Variants in SLC27A1 observed in about 807,000 individuals in gnomAD.
The protein encoded by SLC27A1 is long-chain fatty acid transport protein 1.
SLC27A1 carries 61 observed loss-of-function variants against 62.2 expected under a neutral mutation model. The observed-to-expected ratio is 0.98, with a 90% CI of 0.80 to 1.21. SLC27A1 has a LOEUF of 1.21. SLC27A1 is among the 50% of genes most tolerant of loss of function. The pLI, the probability that SLC27A1 is intolerant of heterozygous loss-of-function variation, is 0.00. For synonymous variants in SLC27A1, 435 were observed against 408.6 expected (o/e 1.06, Z -0.78); for missense variants, 903 against 932.1 (o/e 0.97, Z 0.41).
At position 17,477,844 on chromosome 19, in the gene SLC27A1, C is replaced by T. The variant is rs181309482; in HGVS notation, c.167+7137C>T. On this transcript the variant is annotated intron_variant, in intron 1 of 11. Coordinates refer to ENST00000252595, the MANE Select transcript of SLC27A1 (RefSeq NM_198580.3). ...TGCTGGGATTACAGGTGTGAGCCAC[C>T]GCACCTGCCGCCCACCTTTTTCTAA... Among the ~76,000 whole-genome samples the T allele has an allele frequency of 1.3e-3, 203 of 152,062 alleles. 2 individuals are homozygous for T. Among genetic ancestry groups the T allele is most frequent in the Admixed American group, 0.011 (161 of 15,240 alleles).
chr19:17,490,606 C>T (rs1038221127), intron 6 of SLC27A1, among the ~76,000 whole-genome samples: 6 of 152,142 alleles, frequency 3.9e-5, no homozygotes, highest in South Asian at 4.1e-4. Flanking sequence ...ATCCTCCCCT[C>T]GGTGATGGCA....
At chr19:17,471,058 T>C (rs1442425873) in intron 1 of SLC27A1, among the ~76,000 whole-genome samples, 2 of 147,904 alleles carry the variant, frequency 1.4e-5, no homozygotes, top group Non-Finnish European at 3.0e-5. Flanking sequence ...GAGCTGGGGC[T>C]GACTGGAAAT....
Position 17,500,871 on chromosome 19 carries a change from T to C in SLC27A1, c.1631T>C (p.Val544Ala), listed in dbSNP as rs1232173515. Residue 544 changes from valine (V) to alanine (A), a missense_variant, in exon 10 of 12, where the codon GTT becomes GCT. Transcript: ENST00000252595. ...GACGTGGCCGTCTATGGGGTGGCTGTTCCAGGCAAGCTGGGGTTGCAGGGG... is the reference window on the plus strand; with the variant it reads ...GACGTGGCCGTCTATGGGGTGGCTGCTCCAGGCAAGCTGGGGTTGCAGGGG... ...QTDVAVYGVA[V>A]PGVEGKAGMA... is the part of the protein sequence containing the mutation. 1 of 1,606,156 alleles carries C rather than the reference T, an allele frequency of 6.2e-7. No individual in the cohort carries two copies. The highest frequency in any genetic ancestry group is 1.1e-5 in the South Asian group (1 of 90,460).
chr19:17,488,561 C>G (rs992223832), intron 4 of SLC27A1, among the ~76,000 whole-genome samples: 2 of 152,178 alleles, frequency 1.3e-5, no homozygotes, highest in African/African-American at 4.8e-5. Context: ...CCCCACAGCT[C>G]TTTCTTGCTA....
chr19:17,487,237 G>C lies in SLC27A1; in HGVS notation c.626G>C (p.Gly209Ala), dbSNP rs202067578. The change falls in exon 3 of 12, where the codon GGG (glycine) becomes GCG (alanine). Residue 209 changes from glycine to alanine, a missense_variant. Gly to Ala is a moderately conservative substitution (Grantham distance 60). Transcript: ENST00000252595. ...SLIKFCSGDL[G>A]PEGILPDTHL... ...ATCAAGTTCTGCTCTGGAGACTTGG[G>C]GCCCGAGGGCATCTTGCCGGACACC... 1.2e-6 allele frequency: 2 copies of C among 1,614,050 alleles called. No homozygotes were observed. Among genetic ancestry groups the C allele is most frequent in the African/African-American group, 2.7e-5 (2 of 75,008 alleles).
At chr19:17,470,792 G>T (rs1044883443) in intron 1 of SLC27A1, 85 bp downstream of exon 1, 15 of 1,306,748 alleles carry the variant, frequency 1.1e-5, no homozygotes, top group Middle Eastern at 2.4e-4. Flanking sequence ...TTGCGGGGAC[G>T]GCTTGGAGGG....
intron 4 of SLC27A1, among the ~76,000 whole-genome samples, chr19:17,488,264 C>G (rs1183153768): frequency 6.6e-6 from 1 of 152,234 alleles, no homozygotes; most frequent in African/African-American, 2.4e-5. Context: ...GAGGCTGAGG[C>G]AGGAGAATCG....
Position 17,501,255 on chromosome 19 carries a change from C to T in SLC27A1, c.1637-18C>T. The T allele has an allele frequency of 1.2e-6, 2 of 1,611,308 alleles. No homozygotes were observed. Among genetic ancestry groups the T allele is most frequent in the East Asian group, 2.2e-5 (1 of 44,860 alleles). On this transcript the variant is annotated intron_variant, in intron 10 of 11. Coordinates refer to ENST00000252595, the MANE Select transcript of SLC27A1 (RefSeq NM_198580.3). ...AGGATGAGAGGCGGGGTGTCCTCAG[C>T]TGAGCCTCTGCCTCCAGGAGTGGAG... is the stretch of plus-strand genomic sequence containing the variant.
chr19:17,471,504 T>C (rs980414535), intron 1 of SLC27A1, among the ~76,000 whole-genome samples: 4 of 151,838 alleles, frequency 2.6e-5, no homozygotes, highest in African/African-American at 9.7e-5. Context: ...AGGGACTTGC[T>C]CAAACGAGCC....
At chr19:17,476,279 T>C (rs2075121189) in intron 1 of SLC27A1, among the ~76,000 whole-genome samples, 1 of 152,146 alleles carries the variant, frequency 6.6e-6, no homozygotes, top group Non-Finnish European at 1.5e-5. Flanking sequence ...CTCATGCCTG[T>C]AATCCCAGCA....
chr19:17,500,232 C>A (rs776602120), intron 7 of SLC27A1, 46 bp from the exon 8 acceptor site: 76 of 1,596,822 alleles, frequency 4.8e-5, no homozygotes, highest in Non-Finnish European at 6.3e-5. Flanking sequence ...CTGAGAAGGA[C>A]CCCGCATATC....
intron 6 of SLC27A1, 113 bp downstream of exon 6, chr19:17,489,230 C>T (rs1483818522): frequency 2.5e-5 from 21 of 851,548 alleles, no homozygotes; most frequent in Middle Eastern, 3.3e-4. Flanking sequence ...AGCAAAGCCC[C>T]ACCTCCTCCT....
intron 11 of SLC27A1, among the ~76,000 whole-genome samples, chr19:17,503,931 CAAAAAAA>C (rs749427478): frequency 2.1e-3 from 110 of 53,326 alleles, no homozygotes; most frequent in African/African-American, 4.6e-3. Context: ...GACTATGTCT[CAAAAAAA>C]AAAAAAAAAA....
chr19:17,489,254 C>A (rs1333431896), intron 6 of SLC27A1, 137 bp downstream of exon 6: 31 of 680,310 alleles, frequency 4.6e-5, no homozygotes, highest in Non-Finnish European at 7.8e-5. Context: ...CAGGTCCCGT[C>A]CTCTCCCAGC....
intron 1 of SLC27A1, among the ~76,000 whole-genome samples, chr19:17,474,299 C>T (rs2075102089): frequency 6.6e-6 from 1 of 152,184 alleles, no homozygotes; most frequent in African/African-American, 2.4e-5. Context: ...CCTATAGGGG[C>T]ACAAAAGGAG....
At chr19:17,475,158 G>A (rs948015224) in intron 1 of SLC27A1, among the ~76,000 whole-genome samples, 3 of 152,148 alleles carry the variant, frequency 2.0e-5, no homozygotes, top group East Asian at 3.8e-4. Context: ...CAGGTCATCC[G>A]CCTGCCTTGG....
intron 1 of SLC27A1, among the ~76,000 whole-genome samples, chr19:17,475,162 G>T (rs1157433464): frequency 6.6e-6 from 1 of 152,188 alleles, no homozygotes; most frequent in African/African-American, 2.4e-5. Flanking sequence ...TCATCCGCCT[G>T]CCTTGGCCTC....
upstream of SLC27A1, among the ~76,000 whole-genome samples, chr19:17,469,658 G>A (rs1009605885): frequency 6.6e-6 from 1 of 152,144 alleles, no homozygotes; most frequent in African/African-American, 2.4e-5. Flanking sequence ...CTGGAAGACG[G>A]CCGGCCTCGG....
chr19:17,502,356 T>TTTTTG (rs2075426422), intron 11 of SLC27A1, among the ~76,000 whole-genome samples: 1 of 113,970 alleles, frequency 8.8e-6, no homozygotes, highest in South Asian at 3.3e-4. Flanking sequence ...TTTTTTTTTT[T>TTTTTG]TTTTTTTTTT....
Sources: gnomAD v4.1 joint callset for allele counts (sites outside exome capture counted in the v4.1 genomes callset) on GRCh38, gnomAD v4.1.1 for gene constraint, MANE v1.5 for transcripts, NCBI Gene and HGNC (gene_info 2026-07-23, HGNC 2026-07-21) for gene names.